NALF1: variants seen among roughly 807,000 people sequenced by gnomAD.
NALF1 encodes the protein family with sequence similarity 155 member A.
In NALF1, 3 loss-of-function variants were observed where a neutral mutation model predicts 48.4. That is an observed-to-expected ratio of 0.06 (90% confidence interval 0.03 to 0.16). NALF1 has a LOEUF of 0.16. Among genes scored for constraint, NALF1 ranks in the 10% least tolerant of loss-of-function variants. NALF1 has a pLI of 1.00. For missense variants in NALF1, 526 were observed against 571.5 expected (o/e 0.92, Z 0.81); for synonymous variants, 262 against 245.7 (o/e 1.07, Z -0.62).
At chr13:107,828,608 CACA>C (rs1269598513) in intron 1 of NALF1, among the ~76,000 whole-genome samples, 6 of 12,468 alleles carry the variant, frequency 4.8e-4, no homozygotes, top group African/African-American at 9.6e-4. Flanking sequence ...TATATCTATA[CACA>C]CACACACACA....
At chr13:107,357,531 A>G (rs1280383225) in intron 1 of NALF1, among the ~76,000 whole-genome samples, 3 of 152,228 alleles carry the variant, frequency 2.0e-5, no homozygotes, top group Non-Finnish European at 4.4e-5. Context: ...CAACAACAAC[A>G]ACAACAAAAC....
intron 2 of NALF1, among the ~76,000 whole-genome samples, chr13:107,204,004 AGAGGGG>A (rs1879579902): frequency 7.5e-6 from 1 of 132,854 alleles, no homozygotes; most frequent in Non-Finnish European, 1.7e-5. Context: ...CTGGAGGCAG[AGAGGGG>A]CGCCCACAAG....
In NALF1 at chr13:107,461,873, T is replaced by G. The variant is rs1884923880; in HGVS notation, c.916-251118A>C. On this transcript the variant is annotated intron_variant, in intron 1 of 2. Transcript: ENST00000375915. ...GAGCCAACAGAATTCTAAATTGAAC[T>G]AAGAAAACAAACAGACACTGGCTCT... Among the ~76,000 whole-genome samples the G allele has an allele frequency of 3.3e-5, 5 of 152,206 alleles. No individual in the cohort carries two copies. The South Asian group carries it at 1.0e-3, about 31-fold the overall frequency.
chr13:107,752,934 ATT>A (rs1876980020), intron 1 of NALF1, among the ~76,000 whole-genome samples: 1 of 152,234 alleles, frequency 6.6e-6, no homozygotes, highest in East Asian at 1.9e-4. Context: ...TCTCCCCCAC[ATT>A]AGTACCATGC....
At chr13:107,292,538 C>T (rs1054538072) in intron 1 of NALF1, among the ~76,000 whole-genome samples, 8 of 151,734 alleles carry the variant, frequency 5.3e-5, no homozygotes, top group South Asian at 2.1e-4. Context: ...TGTATTTATA[C>T]GCACTAACCT....
At chr13:107,579,686 A>G (rs201301876) in intron 1 of NALF1, among the ~76,000 whole-genome samples, 1 of 73,438 alleles carries the variant, frequency 1.4e-5, no homozygotes, top group African/African-American at 5.2e-5. Flanking sequence ...TTTTTTTTTT[A>G]TTATACTTTA....
At chr13:107,834,652 G>GA (rs1879838139) in intron 1 of NALF1, among the ~76,000 whole-genome samples, 1 of 152,170 alleles carries the variant, frequency 6.6e-6, no homozygotes, top group South Asian at 2.1e-4. Context: ...TTTTTTACAA[G>GA]AAAAAATAGA....
chr13:107,595,480 G>A (rs1272970590), intron 1 of NALF1, among the ~76,000 whole-genome samples: 1 of 148,328 alleles, frequency 6.7e-6, no homozygotes, highest in African/African-American at 2.5e-5. Flanking sequence ...AATATTGCCT[G>A]GAAGCTTATG....
chr13:107,273,181 A>G (rs1282126715), intron 1 of NALF1, among the ~76,000 whole-genome samples: 2 of 152,230 alleles, frequency 1.3e-5, no homozygotes, highest in Non-Finnish European at 2.9e-5. Context: ...AGACACAGGG[A>G]ATCCAAGAAG....
intron 1 of NALF1, among the ~76,000 whole-genome samples, chr13:107,789,607 T>C (rs960944566): frequency 1.3e-5 from 2 of 152,172 alleles, no homozygotes; most frequent in African/African-American, 4.8e-5. Flanking sequence ...CCATCACTTT[T>C]TTGTTCTTTT....
intron 1 of NALF1, among the ~76,000 whole-genome samples, chr13:107,240,007 G>T (rs1452333863): frequency 1.3e-5 from 2 of 152,190 alleles, no homozygotes; most frequent in East Asian, 3.9e-4. Flanking sequence ...AATCTGGTAA[G>T]AAAGTTAATT....
chr13:107,213,042 A>G (rs1879794186), intron 1 of NALF1, among the ~76,000 whole-genome samples: 1 of 152,042 alleles, frequency 6.6e-6, no homozygotes, highest in South Asian at 2.1e-4. Flanking sequence ...CTGCAGCCAT[A>G]AAGTCTTAAG....
intron 1 of NALF1, among the ~76,000 whole-genome samples, chr13:107,477,734 T>C (rs962419048): frequency 6.6e-6 from 1 of 152,042 alleles, no homozygotes; most frequent in African/African-American, 2.4e-5. Context: ...TTAGGATTGA[T>C]TAGGGCAGGA....
chr13:107,222,063 A>G (rs1427125530), intron 1 of NALF1, among the ~76,000 whole-genome samples: 3 of 152,192 alleles, frequency 2.0e-5, no homozygotes, highest in African/African-American at 4.8e-5. Context: ...AAGGCTCACA[A>G]TGTTTGTGAT....
At chr13:107,776,437 A>C (rs903067462) in intron 1 of NALF1, among the ~76,000 whole-genome samples, 1 of 152,214 alleles carries the variant, frequency 6.6e-6, no homozygotes, top group South Asian at 2.1e-4. Flanking sequence ...TTCAGTAATA[A>C]TATCATTCTT....
intron 1 of NALF1, among the ~76,000 whole-genome samples, chr13:107,851,092 T>G (rs1050550998): frequency 6.6e-6 from 1 of 152,126 alleles, no homozygotes; most frequent in Non-Finnish European, 1.5e-5. Flanking sequence ...TTTACCCTCA[T>G]GGTTGAATTA....
chr13:107,749,624 C>T (rs1448679806), intron 1 of NALF1, among the ~76,000 whole-genome samples: 1 of 151,824 alleles, frequency 6.6e-6, no homozygotes, highest in Admixed American at 6.6e-5. Flanking sequence ...TACTATTTTA[C>T]ATACTACAGT....
intron 1 of NALF1, among the ~76,000 whole-genome samples, chr13:107,613,252 CTG>C: frequency 6.6e-6 from 1 of 152,258 alleles, no homozygotes; most frequent in African/African-American, 2.4e-5. Flanking sequence ...AAGAGGCAGA[CTG>C]TTATATTAAG....
At chr13:107,312,205 A>G (rs1882059482) in intron 1 of NALF1, among the ~76,000 whole-genome samples, 1 of 152,212 alleles carries the variant, frequency 6.6e-6, no homozygotes, top group Admixed American at 6.5e-5. Flanking sequence ...GGATTAAGAA[A>G]ATGTGGCACA....
Sources: allele counts gnomAD v4.1 joint callset (sites outside exome capture counted in the v4.1 genomes callset), GRCh38; gene constraint gnomAD v4.1.1; transcripts MANE v1.5; gene names NCBI Gene and HGNC (gene_info 2026-07-23, HGNC 2026-07-21).